PSIP1: variants seen among roughly 807,000 people sequenced by gnomAD.
PSIP1 encodes the protein PC4 and SFRS1-interacting protein.
A neutral mutation model predicts 74.7 loss-of-function variants in PSIP1; 19 were observed. The ratio of observed to expected loss-of-function variants is 0.25; its 90% confidence interval spans 0.18 to 0.37. PSIP1 has a LOEUF of 0.37. Among genes scored for constraint, PSIP1 ranks in the 10% least tolerant of loss-of-function variants. The pLI is 1.00. For synonymous variants in PSIP1, 222 were observed against 195.3 expected (o/e 1.14, Z -1.14); for missense variants, 601 against 614.3 (o/e 0.98, Z 0.23).
chr9:15,470,505 C>A (rs1229643782), intron 10 of PSIP1: 1 of 781,750 alleles, frequency 1.3e-6, no homozygotes, highest in African/African-American at 1.9e-5. Context: ...ACAAAAGGTA[C>A]CATTTTATTG....
chr9:15,485,945 C>T, intron 6 of PSIP1, 61 bp downstream of exon 6: 1 of 1,425,148 alleles, frequency 7.0e-7, no homozygotes, highest in Non-Finnish European at 9.8e-7. Flanking sequence ...TACTCTCCCT[C>T]AACCCAATTA....
At chr9:15,473,173 C>T (rs2035916414) in intron 9 of PSIP1, among the ~76,000 whole-genome samples, 1 of 152,172 alleles carries the variant, frequency 6.6e-6, no homozygotes, top group Non-Finnish European at 1.5e-5. Context: ...TAAGGCTATA[C>T]ACAAAATTTT....
rs767922897 is a variant in PSIP1 at position 15,497,325 on chromosome 9, C to CTTTTTTTTTTTTTTT, written c.150-7216_150-7202dup. Among the ~76,000 whole-genome samples, 612 of 118,432 alleles carry CTTTTTTTTTTTTTTT rather than the reference C, an allele frequency of 5.2e-3. 33 individuals carry two copies. Among genetic ancestry groups the CTTTTTTTTTTTTTTT allele is most frequent in the Middle Eastern group, 9.2e-3 (2 of 218 alleles). The allele number at this position is 118,432 out of a possible 152,430, so 77.7% of individuals were successfully genotyped here. A position where few individuals can be genotyped will look rare whatever the true frequency, so the allele number is the denominator to read the frequency against. On this transcript the variant is annotated intron_variant, in intron 3 of 15. Coordinates refer to ENST00000380733, the MANE Select transcript of PSIP1 (RefSeq NM_033222.5). ...CTGAAGACCACACGTTCTATGATTCCTTTTTTTTTTTTTTTTGAGACAGAG... is the reference window on the plus strand; with the variant it reads ...CTGAAGACCACACGTTCTATGATTCCTTTTTTTTTTTTTTTTTTTTTTTTTTTTTTTGAGACAGAG...
At chr9:15,501,228 A>G (rs1478454333) in intron 3 of PSIP1, among the ~76,000 whole-genome samples, 1 of 152,160 alleles carries the variant, frequency 6.6e-6, no homozygotes, top group Non-Finnish European at 1.5e-5. Flanking sequence ...GCTAATGGAC[A>G]GCAAATGCAT....
At chr9:15,480,423 A>G (rs1416194222) in intron 6 of PSIP1, among the ~76,000 whole-genome samples, 1 of 152,192 alleles carries the variant, frequency 6.6e-6, no homozygotes, top group Non-Finnish European at 1.5e-5. Context: ...GGCATTCAAA[A>G]ACATGCATAA....
chr9:15,491,552 G>C (rs1379535125), intron 3 of PSIP1, among the ~76,000 whole-genome samples: 3 of 152,086 alleles, frequency 2.0e-5, no homozygotes, highest in Non-Finnish European at 4.4e-5. Flanking sequence ...TTGCATATGT[G>C]TGTACATATA....
chr9:15,487,067 G>A, intron 4 of PSIP1, 136 bp from the exon 5 acceptor site: 2 of 500,116 alleles, frequency 4.0e-6, no homozygotes, highest in East Asian at 3.8e-5. Context: ...GCGCAATTAT[G>A]GTTCACTGAA....
Position 15,465,406 on chromosome 9 carries a change from C to A in PSIP1, c.*114G>T. On this transcript the variant is annotated 3_prime_UTR_variant, in exon 16 of 16. Coordinates refer to ENST00000380733, the MANE Select transcript of PSIP1 (RefSeq NM_033222.5). ...AACAAAGGGATTTTCTCCCTCAAAA[C>A]AAGTTTTCAACATCAAACCTATGCT... is the stretch of plus-strand genomic sequence containing the variant. The A allele has an allele frequency of 1.1e-6, 1 of 917,638 alleles. No individual in the cohort carries two copies. The highest frequency in any genetic ancestry group is 1.7e-6 in the Non-Finnish European group (1 of 595,896). 56.8% of individuals were successfully genotyped at this position (917,638 alleles called of 1,614,324 possible).
intron 5 of PSIP1, among the ~76,000 whole-genome samples, chr9:15,486,394 G>A (rs865891825): frequency 2.0e-5 from 3 of 152,286 alleles, no homozygotes; most frequent in Middle Eastern, 3.4e-3. Context: ...GGGTGGCTGG[G>A]ACATTGAAGA....
At chr9:15,510,091 A>G in intron 2 of PSIP1, 26 bp downstream of exon 2, 1 of 1,596,266 alleles carries the variant, frequency 6.3e-7, no homozygotes, top group Non-Finnish European at 8.5e-7. Context: ...TAGCACTGCT[A>G]AGCGCGAGGG....
At chr9:15,472,300 T>A (rs2035871771) in intron 10 of PSIP1, 4 of 1,021,616 alleles carry the variant, frequency 3.9e-6, no homozygotes, top group Non-Finnish European at 4.7e-6. Flanking sequence ...CAGTATATTA[T>A]CGCCCCTCTA....
Position 15,465,456 on chromosome 9 carries a change from G to A in PSIP1, c.*64C>T. Reference sequence around the variant, plus strand: ...TTATAAAAATTTAAAACTTTCAGCAGTCTATTTCAAATGAAAACCATTACA... The same window carrying A: ...TTATAAAAATTTAAAACTTTCAGCAATCTATTTCAAATGAAAACCATTACA... On this transcript the variant is annotated 3_prime_UTR_variant, in exon 16 of 16. Coordinates refer to ENST00000380733, the MANE Select transcript of PSIP1 (RefSeq NM_033222.5). The A allele has an allele frequency of 1.5e-6, 2 of 1,366,636 alleles. No individual in the cohort carries two copies. The highest frequency in any genetic ancestry group is 1.3e-5 in the South Asian group (1 of 78,308). The allele number at this position is 1,366,636 out of a possible 1,614,324, so 84.7% of individuals were successfully genotyped here. A position where few individuals can be genotyped will look rare whatever the true frequency, so the allele number is the denominator to read the frequency against.
chr9:15,483,924 T>G (rs1012249483), intron 6 of PSIP1, among the ~76,000 whole-genome samples: 13 of 151,958 alleles, frequency 8.6e-5, no homozygotes, highest in Non-Finnish European at 1.6e-4. Flanking sequence ...GGCCAGGAGT[T>G]TGAGACCAGC....
intron 7 of PSIP1, among the ~76,000 whole-genome samples, chr9:15,479,004 A>G (rs1453017491): frequency 1.3e-5 from 2 of 152,076 alleles, no homozygotes; most frequent in African/African-American, 4.8e-5. Context: ...ATATAAATAA[A>G]AATCTTTTTT....
intron 3 of PSIP1, among the ~76,000 whole-genome samples, chr9:15,494,490 G>A (rs758998770): frequency 8.1e-5 from 12 of 148,292 alleles, no homozygotes; most frequent in South Asian, 2.1e-4. Context: ...GCTTGAACCC[G>A]GGAGGCGGAG....
In PSIP1 at chr9:15,474,285, G is replaced by C. The variant is rs58747763; in HGVS notation, c.630-48C>G. The stretch of plus-strand genomic sequence containing the variant: ...GTATACTTGTCATTCAACTATAATA[G>C]TATTTTAGATATCAGTAAGCTATAA... On this transcript the variant is annotated intron_variant, in intron 8 of 15. Coordinates refer to ENST00000380733, the MANE Select transcript of PSIP1 (RefSeq NM_033222.5). 1.3e-3 allele frequency: 1,832 copies of C among 1,452,234 alleles called. 16 individuals carry two copies. The African/African-American group carries it at 0.023, about 18-fold the overall frequency. The allele number at this position is 1,452,234 out of a possible 1,614,324, so 90.0% of individuals were successfully genotyped here. A position where few individuals can be genotyped will look rare whatever the true frequency, so the allele number is the denominator to read the frequency against.
At chr9:15,469,505 T>C (rs577563631) in intron 11 of PSIP1, among the ~76,000 whole-genome samples, 169 bp from the exon 12 acceptor site, 4 of 152,260 alleles carry the variant, frequency 2.6e-5, no homozygotes, top group Non-Finnish European at 4.4e-5. Flanking sequence ...TAAGTACTTA[T>C]TGCCATTTTT....
At position 15,504,106 on chromosome 9, in the gene PSIP1, C is replaced by T. The variant is rs553431339; in HGVS notation, c.149+2455G>A. Among the ~76,000 whole-genome samples the T allele has an allele frequency of 1.3e-4, 20 of 152,316 alleles. No homozygotes were observed. In the South Asian group the frequency reaches 4.1e-3, roughly 32 times the overall value. ...AGACCAACATACATATGGGGCAGCA[C>T]TGCTTTTCCAAAGATAAATGGTATA... On this transcript the variant is annotated intron_variant, in intron 3 of 15. Transcript: ENST00000380733.
chr9:15,471,833 G>A, intron 10 of PSIP1: 3 of 961,312 alleles, frequency 3.1e-6, no homozygotes, highest in Non-Finnish European at 3.7e-6. Context: ...TATTGACCTA[G>A]AGCATGTTTT....
Sources: gnomAD v4.1 joint callset for allele counts (sites outside exome capture counted in the v4.1 genomes callset) on GRCh38, gnomAD v4.1.1 for gene constraint, MANE v1.5 for transcripts, NCBI Gene and HGNC (gene_info 2026-07-23, HGNC 2026-07-21) for gene names.